F11: variants seen among roughly 807,000 people sequenced by gnomAD.
F11 encodes coagualtion factor XI.
F11 carries 78 observed loss-of-function variants against 76.5 expected under a neutral mutation model. The ratio of observed to expected loss-of-function variants is 1.02; its 90% CI spans 0.85 to 1.23. F11 has a LOEUF of 1.23. Among genes scored for constraint, F11 ranks in the 50% most tolerant of loss-of-function variants. The probability of loss-of-function intolerance (pLI) is 0.00; values close to 1 mark genes in which losing one functional copy is unlikely to be tolerated. For missense variants in F11, 742 were observed against 771.4 expected (o/e 0.96, Z 0.45); for synonymous variants, 278 against 276.3 (o/e 1.01, Z -0.06).
In F11 at chr4:186,286,561, C is replaced by G. The variant is rs2289254; in HGVS notation, c.1576+51C>G. 5.0e-6 allele frequency: 8 copies of G among 1,606,454 alleles called. No homozygotes were observed. In the Admixed American group the frequency reaches 5.0e-5, roughly 10 times the overall value. ...TCCATCCTAGAAATGAAGAGCGGAA[C>G]CTTTTCTGCCCTGTCAAGTCATGTA... On this transcript the variant is annotated intron_variant, in intron 13 of 14. Coordinates refer to ENST00000403665, the MANE Select transcript of F11 (RefSeq NM_000128.4).
At chr4:186,286,669 G>C (rs138610842) in intron 13 of F11, 159 bp downstream of exon 13, 2 of 985,444 alleles carry the variant, frequency 2.0e-6, no homozygotes, top group African/African-American at 3.5e-5. Flanking sequence ...CCCAAGTGAG[G>C]CTGGTGCCTC....
Position 186,276,399 on chromosome 4 carries a change from T to C in F11, c.755+9T>C, listed in dbSNP as rs946255003. The C allele has an allele frequency of 2.5e-6, 4 of 1,613,578 alleles. No individual in the cohort carries two copies. In the African/African-American group the frequency reaches 5.3e-5, roughly 22 times the overall value. ...CCCAAAGAATCTCAAAGGTAAGGAG[T>C]TAACAAGTAAGGATAATTTGTTATC... On this transcript the variant is annotated intron_variant, in intron 7 of 14. Transcript: ENST00000403665.
intron 10 of F11, chr4:186,282,428 C>A (rs965334114): frequency 1.0e-6 from 1 of 985,404 alleles, no homozygotes; most frequent in Non-Finnish European, 1.2e-6. Flanking sequence ...AAGGGAATAG[C>A]TGCGTGAGAT....
intron 7 of F11, 125 bp from the exon 8 acceptor site, chr4:186,279,887 T>A (rs1199444969): frequency 2.5e-6 from 2 of 789,472 alleles, no homozygotes; most frequent in East Asian, 2.7e-5. Context: ...GAAGAGTACT[T>A]TCAAAATAGG....
intron 2 of F11, among the ~76,000 whole-genome samples, chr4:186,268,514 AC>A (rs1187503879): frequency 2.6e-5 from 4 of 152,336 alleles, no homozygotes; most frequent in Admixed American, 6.5e-5. Flanking sequence ...TTAAAATTAT[AC>A]TGATCATGTT....
chr4:186,267,333 T>C, intron 2 of F11, 142 bp downstream of exon 2: 2 of 712,572 alleles, frequency 2.8e-6, no homozygotes, highest in South Asian at 1.6e-5. Flanking sequence ...GCTCCAGAGG[T>C]TTTCAAAGCA....
intron 5 of F11, chr4:186,275,280 C>G (rs1006854360): frequency 1.4e-5 from 6 of 436,374 alleles, no homozygotes; most frequent in African/African-American, 1.2e-4. Context: ...CACCTGAGGT[C>G]AGGAGTTCGA....
intron 10 of F11, among the ~76,000 whole-genome samples, chr4:186,281,208 A>G (rs930501091): frequency 6.6e-6 from 1 of 152,194 alleles, no homozygotes; most frequent in African/African-American, 2.4e-5. Flanking sequence ...TCCTGTTATC[A>G]AGGCCAGTAA....
chr4:186,281,161 C>A (rs939445767), intron 10 of F11, among the ~76,000 whole-genome samples: 1 of 152,150 alleles, frequency 6.6e-6, no homozygotes, highest in African/African-American at 2.4e-5. Flanking sequence ...CCAGCCACAA[C>A]TGGCATTTCC....
chr4:186,275,578 G>A (rs1740299887), intron 5 of F11, among the ~76,000 whole-genome samples: 1 of 152,108 alleles, frequency 6.6e-6, no homozygotes, highest in African/African-American at 2.4e-5. Flanking sequence ...ACTCTCTCAA[G>A]CTGTCATTAT....
chr4:186,284,304 T>G, intron 11 of F11, 44 bp downstream of exon 11: 1 of 1,487,588 alleles, frequency 6.7e-7, no homozygotes. Flanking sequence ...TCTTCACACA[T>G]TTATAAAAAA....
intron 5 of F11, 170 bp downstream of exon 5, chr4:186,274,445 G>C (rs1740220418): frequency 2.6e-6 from 2 of 778,304 alleles, no homozygotes; most frequent in East Asian, 5.4e-5. Flanking sequence ...GCCTAATTTG[G>C]ATGCATTTCA....
chr4:186,272,880 A>C lies in F11; in HGVS notation c.219-191A>C. 3 of 545,750 alleles carry C rather than the reference A, an allele frequency of 5.5e-6. No homozygotes were observed. The Admixed American group carries it at 9.2e-5, about 17-fold the overall frequency. The allele number at this position is 545,750 out of a possible 1,614,324, so 33.8% of individuals were successfully genotyped here. A position where few individuals can be genotyped will look rare whatever the true frequency, so the allele number is the denominator to read the frequency against. On this transcript the variant is annotated intron_variant, in intron 3 of 14. Transcript: ENST00000403665. ...TGTTCCTATTAGAAAGGAGTATTAC[A>C]TGCAGTCTCTTAAGTGTAGGGATAT... is the stretch of plus-strand genomic sequence containing the variant.
intron 11 of F11, among the ~76,000 whole-genome samples, chr4:186,285,164 C>G (rs4253859): frequency 1.1e-3 from 162 of 152,122 alleles, no homozygotes; most frequent in African/African-American, 3.5e-3. Flanking sequence ...TTTTGGTTTT[C>G]TTTTTTAATC....
chr4:186,286,344 A>G lies in F11; in HGVS notation c.1481-71A>G. ...AGAAAACACAGATAATGTACAGTGGAAGAAGAGTCTCTTCTGGAAAAGAGG... is the reference window on the plus strand; with the variant it reads ...AGAAAACACAGATAATGTACAGTGGGAGAAGAGTCTCTTCTGGAAAAGAGG... On this transcript the variant is annotated intron_variant, in intron 12 of 14. Coordinates refer to ENST00000403665, the MANE Select transcript of F11 (RefSeq NM_000128.4). 3.8e-6 allele frequency: 5 copies of G among 1,299,692 alleles called. No individual in the cohort carries two copies. In the South Asian group the frequency reaches 5.9e-5, roughly 15 times the overall value. The allele number at this position is 1,299,692 out of a possible 1,614,324, so 80.5% of individuals were successfully genotyped here. A position where few individuals can be genotyped will look rare whatever the true frequency, so the allele number is the denominator to read the frequency against.
intron 2 of F11, among the ~76,000 whole-genome samples, chr4:186,268,858 A>G (rs1739703895): frequency 6.6e-6 from 1 of 152,210 alleles, no homozygotes; most frequent in African/African-American, 2.4e-5. Flanking sequence ...GGAAAAATTA[A>G]TGATATAAGA....
intron 1 of F11, 63 bp from the exon 2 acceptor site, chr4:186,267,073 C>A: frequency 1.9e-6 from 2 of 1,040,502 alleles, no homozygotes; most frequent in South Asian, 1.3e-5. Context: ...GTCTTAGTGT[C>A]AGTAAACTAA....
At position 186,281,499 on chromosome 4, in the gene F11, G is replaced by C. The variant is rs573756466; in HGVS notation, c.1135+919G>C. On this transcript the variant is annotated intron_variant, in intron 10 of 14. Coordinates refer to ENST00000403665, the MANE Select transcript of F11 (RefSeq NM_000128.4). ...AGTTACAATAAAAATCCAACCAGCA[G>C]TGTTTCCATCCCAGTGGCCAATTTC... is the stretch of plus-strand genomic sequence containing the variant. Among the ~76,000 whole-genome samples the C allele has an allele frequency of 3.2e-4, 49 of 152,246 alleles. 2 individuals are homozygous for C. The highest frequency in any genetic ancestry group is 3.2e-3 in the Admixed American group (49 of 15,294).
Position 186,288,481 on chromosome 4 carries a change from A to G in F11, c.1745A>G (p.Lys582Arg). The change falls in exon 15 of 15, where the codon AAA becomes AGA. Residue 582 changes from lysine to arginine, a missense_variant. Lys to Arg is a conservative substitution (Grantham distance 26). Coordinates refer to ENST00000403665, the MANE Select transcript of F11 (RefSeq NM_000128.4). ...KGDSGGPLSC[K>R]HNEVWHLVGI... ...GATTCGGGAGGCCCTCTGTCCTGCA[A>G]ACACAATGAGGTCTGGCATCTGGTA... 2 of 1,614,148 alleles carry G rather than the reference A, an allele frequency of 1.2e-6. No individual in the cohort carries two copies. The highest frequency in any genetic ancestry group is 8.5e-7 in the Non-Finnish European group (1 of 1,180,008).
Sources: gnomAD v4.1 joint callset for allele counts (sites outside exome capture counted in the v4.1 genomes callset) on GRCh38, gnomAD v4.1.1 for gene constraint, MANE v1.5 for transcripts, NCBI Gene and HGNC (gene_info 2026-07-23, HGNC 2026-07-21) for gene names.